Variants in LSAMP observed in about 807,000 individuals in gnomAD.
LSAMP encodes limbic system associated membrane protein.
In LSAMP, 7 loss-of-function variants were observed where a neutral mutation model predicts 38.6. The observed-to-expected ratio is 0.18, with a 90% CI of 0.10 to 0.34. The LOEUF (loss-of-function observed/expected upper bound fraction) is 0.34, where lower values mean the gene tolerates loss of function less well. Among genes scored for constraint, LSAMP ranks in the 10% least tolerant of loss-of-function variants. The pLI is 1.00. For missense variants in LSAMP, 313 were observed against 420.0 expected (o/e 0.75, Z 2.23); for synonymous variants, 154 against 166.8 (o/e 0.92, Z 0.59).
At chr3:116,034,130 G>A (rs1304571622) in intron 2 of LSAMP, among the ~76,000 whole-genome samples, 2 of 152,068 alleles carry the variant, frequency 1.3e-5, no homozygotes, top group African/African-American at 2.4e-5. Flanking sequence ...GGACAAGATG[G>A]TCATGGTGGT....
At position 115,810,836 on chromosome 3, in the gene LSAMP, A is replaced by G. The variant is rs549103490; in HGVS notation, c.920-422T>C. On this transcript the variant is annotated intron_variant, in intron 6 of 6. Transcript: ENST00000490035. ...ACATGGGTCTTCTGGCCAATTCATC[A>G]TGGCATCTCCACCAATAAAGCATGG... 3.9e-4 allele frequency among the ~76,000 whole-genome samples: 59 copies of G among 152,128 alleles called. 1 individual carries two copies. Among genetic ancestry groups the G allele is most frequent in the Admixed American group, 2.2e-3 (33 of 15,274 alleles).
chr3:116,254,031 C>A (rs1379440366), intron 1 of LSAMP, among the ~76,000 whole-genome samples: 1 of 152,156 alleles, frequency 6.6e-6, no homozygotes, highest in Non-Finnish European at 1.5e-5. Flanking sequence ...GCACTGACTG[C>A]ATATCCTTCA....
intron 3 of LSAMP, among the ~76,000 whole-genome samples, chr3:115,973,524 G>C (rs1016127868): frequency 3.3e-5 from 5 of 152,180 alleles, no homozygotes; most frequent in Non-Finnish European, 7.4e-5. Context: ...CCTGAGGTCA[G>C]GAGTTCAAGA....
intron 2 of LSAMP, among the ~76,000 whole-genome samples, chr3:116,029,451 A>G: frequency 6.6e-6 from 1 of 151,506 alleles, no homozygotes; most frequent in Admixed American, 6.6e-5. Context: ...AGTTACTCAA[A>G]TTTCTCTGCC....
chr3:115,877,662 T>C (rs558650688), intron 3 of LSAMP, among the ~76,000 whole-genome samples: 1 of 152,270 alleles, frequency 6.6e-6, no homozygotes, highest in Admixed American at 6.5e-5. Flanking sequence ...AACACATCTC[T>C]CTCTTTTCCC....
intron 2 of LSAMP, among the ~76,000 whole-genome samples, chr3:116,022,505 G>A (rs184384747): frequency 6.6e-6 from 1 of 152,238 alleles, no homozygotes; most frequent in East Asian, 1.9e-4. Context: ...GACAATTTCT[G>A]TTAGCTTGTT....
intron 1 of LSAMP, among the ~76,000 whole-genome samples, chr3:116,367,131 T>A (rs1469225247): frequency 6.6e-6 from 1 of 152,188 alleles, no homozygotes; most frequent in African/African-American, 2.4e-5. Flanking sequence ...AATTGGATTG[T>A]TTCATTAGAA....
At chr3:116,374,411 T>C (rs894507006) in intron 1 of LSAMP, among the ~76,000 whole-genome samples, 2 of 151,932 alleles carry the variant, frequency 1.3e-5, no homozygotes, top group Non-Finnish European at 2.9e-5. Flanking sequence ...ATTTGAAACT[T>C]AGTACCTCTC....
intron 1 of LSAMP, among the ~76,000 whole-genome samples, chr3:116,211,900 G>T (rs779701322): frequency 4.6e-5 from 7 of 152,234 alleles, no homozygotes; most frequent in Non-Finnish European, 7.3e-5. Flanking sequence ...GCAGATAGAT[G>T]ATAGCAGGAG....
intron 1 of LSAMP, among the ~76,000 whole-genome samples, chr3:116,441,182 G>A (rs1576228288): frequency 6.6e-6 from 1 of 152,054 alleles, no homozygotes; most frequent in East Asian, 1.9e-4. Context: ...ACATTTAACT[G>A]GGAACAATGT....
At chr3:116,399,051 A>G (rs2048806556) in intron 1 of LSAMP, among the ~76,000 whole-genome samples, 1 of 152,224 alleles carries the variant, frequency 6.6e-6, no homozygotes, top group South Asian at 2.1e-4. Flanking sequence ...GAAGAAGTTC[A>G]GTGTGATTAC....
At chr3:116,316,542 G>A (rs1306030918) in intron 1 of LSAMP, among the ~76,000 whole-genome samples, 3 of 152,164 alleles carry the variant, frequency 2.0e-5, no homozygotes, top group African/African-American at 4.8e-5. Context: ...GGAGACCGAG[G>A]CGGGTAGATC....
Position 116,217,699 on chromosome 3 carries a change from T to C in LSAMP, c.156-131143A>G, listed in dbSNP as rs530055054. ...CAAAGGTTCTATGGAGATATTAGTG[T>C]CTTCAACTATGAATGAGAAACTGAG... On this transcript the variant is annotated intron_variant, in intron 1 of 6. Coordinates refer to ENST00000490035, the MANE Select transcript of LSAMP (RefSeq NM_002338.5). Among the ~76,000 whole-genome samples, 18 of 152,362 alleles carry C rather than the reference T, an allele frequency of 1.2e-4. No individual in the cohort carries two copies. The East Asian group carries it at 3.5e-3, about 29-fold the overall frequency.
At chr3:116,439,793 GCT>G in intron 1 of LSAMP, among the ~76,000 whole-genome samples, 1 of 152,352 alleles carries the variant, frequency 6.6e-6, no homozygotes, top group African/African-American at 2.4e-5. Flanking sequence ...CGCGATCTTG[GCT>G]CACTGCAACC....
chr3:116,176,600 A>G (rs1329216539), intron 1 of LSAMP, among the ~76,000 whole-genome samples: 2 of 152,200 alleles, frequency 1.3e-5, no homozygotes, highest in Non-Finnish European at 2.9e-5. Context: ...AAGCTCCATT[A>G]GATAATAAGG....
At chr3:116,422,024 C>T (rs2049135657) in intron 1 of LSAMP, among the ~76,000 whole-genome samples, 1 of 152,168 alleles carries the variant, frequency 6.6e-6, no homozygotes, top group South Asian at 2.1e-4. Flanking sequence ...TGGATGCAAT[C>T]CACGTGTCCA....
intron 1 of LSAMP, among the ~76,000 whole-genome samples, chr3:116,415,259 T>A (rs1397017292): frequency 1.3e-5 from 2 of 150,380 alleles, no homozygotes; most frequent in African/African-American, 4.9e-5. Context: ...CTCACAGAGA[T>A]GGCTTGAGCT....
At chr3:116,059,994 C>A (rs1226604263) in intron 2 of LSAMP, among the ~76,000 whole-genome samples, 1 of 152,152 alleles carries the variant, frequency 6.6e-6, no homozygotes, top group African/African-American at 2.4e-5. Flanking sequence ...ATGTTACATA[C>A]CAATGCCTCC....
intron 1 of LSAMP, among the ~76,000 whole-genome samples, chr3:116,395,130 T>C (rs1280410531): frequency 6.6e-6 from 1 of 152,196 alleles, no homozygotes; most frequent in Non-Finnish European, 1.5e-5. Flanking sequence ...TTGCTTCACA[T>C]GTAGTGACCT....
Sources: gnomAD v4.1 joint callset for allele counts (sites outside exome capture counted in the v4.1 genomes callset) on GRCh38, gnomAD v4.1.1 for gene constraint, MANE v1.5 for transcripts, NCBI Gene and HGNC (gene_info 2026-07-23, HGNC 2026-07-21) for gene names.